ERC1: variants seen among roughly 807,000 people sequenced by gnomAD.
ERC1 encodes the protein ELKS/RAB6-interacting/CAST family member 1.
In ERC1, 56 loss-of-function variants were observed where a neutral mutation model predicts 132.0. That is an observed-to-expected ratio of 0.42 (90% CI 0.34 to 0.53). ERC1 has a LOEUF of 0.53. Ranked by LOEUF, ERC1 falls within the 20% of genes least tolerant of loss-of-function variation. The probability of loss-of-function intolerance (pLI) is 0.03; values close to 1 mark genes in which losing one functional copy is unlikely to be tolerated. For synonymous variants in ERC1, 478 were observed against 476.1 expected, an observed-to-expected ratio of 1.00 and a Z score of -0.05; for missense variants, 1,202 against 1,349.9, an observed-to-expected ratio of 0.89 and a Z score of 1.72.
intron 13 of ERC1, among the ~76,000 whole-genome samples, chr12:1,259,517 T>TTCA (rs1263636067): frequency 7.5e-6 from 1 of 133,714 alleles, no homozygotes; most frequent in Non-Finnish European, 1.5e-5. Flanking sequence ...TCTTTCTTTC[T>TTCA]TTCTTTTTTT....
chr12:1,442,956 G>A (rs1477896801), intron 17 of ERC1, among the ~76,000 whole-genome samples: 1 of 151,990 alleles, frequency 6.6e-6, no homozygotes, highest in Admixed American at 6.5e-5. Flanking sequence ...CGCTCAGGCT[G>A]GAGTGCAGTG....
At chr12:1,018,078 T>G (rs938272914) in intron 1 of ERC1, among the ~76,000 whole-genome samples, 7 of 152,246 alleles carry the variant, frequency 4.6e-5, no homozygotes, top group Non-Finnish European at 8.8e-5. Context: ...TTCTTATTAA[T>G]GCAGGAAGAA....
chr12:1,351,036 C>A (rs553725925), intron 15 of ERC1, among the ~76,000 whole-genome samples: 12 of 152,164 alleles, frequency 7.9e-5, no homozygotes, highest in Non-Finnish European at 1.5e-4. Context: ...AGGATTCATG[C>A]CCCTGTGACC....
chr12:1,284,312 A>C (rs1371598591), intron 14 of ERC1, among the ~76,000 whole-genome samples: 3 of 116,094 alleles, frequency 2.6e-5, no homozygotes, highest in African/African-American at 8.7e-5. Context: ...GTGTGTGTAT[A>C]CATACCACAT....
intron 14 of ERC1, among the ~76,000 whole-genome samples, chr12:1,288,504 T>C (rs995795174): frequency 6.6e-6 from 1 of 152,204 alleles, no homozygotes; most frequent in African/African-American, 2.4e-5. Context: ...GATAAAAAAA[T>C]TCAGGTGCCA....
At chr12:1,277,369 T>G (rs2078345267) in intron 14 of ERC1, among the ~76,000 whole-genome samples, 1 of 152,228 alleles carries the variant, frequency 6.6e-6, no homozygotes, top group Admixed American at 6.5e-5. Context: ...GACTGATGCT[T>G]CTGATCATCA....
At chr12:1,358,353 A>T (rs1234153836) in intron 15 of ERC1, among the ~76,000 whole-genome samples, 2 of 152,110 alleles carry the variant, frequency 1.3e-5, no homozygotes, top group African/African-American at 4.8e-5. Flanking sequence ...TATCATGAGA[A>T]TTTAAGAGTC....
intron 2 of ERC1, among the ~76,000 whole-genome samples, chr12:1,032,107 G>A (rs1451947049): frequency 6.7e-6 from 1 of 149,682 alleles, no homozygotes; most frequent in African/African-American, 2.5e-5. Flanking sequence ...GTGCAGCGAT[G>A]CGATCTTGGC....
At chr12:1,188,553 A>G (rs2154276153) in intron 11 of ERC1, among the ~76,000 whole-genome samples, 1 of 152,326 alleles carries the variant, frequency 6.6e-6, no homozygotes, top group Middle Eastern at 3.4e-3. Flanking sequence ...TTTGTTTCTT[A>G]AAATATACTT....
At chr12:1,222,281 G>A (rs1959062402) in intron 12 of ERC1, among the ~76,000 whole-genome samples, 1 of 150,628 alleles carries the variant, frequency 6.6e-6, no homozygotes, top group Non-Finnish European at 1.5e-5. Context: ...CCAGACTGGA[G>A]AGCAGTGGCG....
chr12:1,335,923 G>GAATT (rs1429480150), intron 15 of ERC1, among the ~76,000 whole-genome samples: 1 of 151,760 alleles, frequency 6.6e-6, no homozygotes, highest in Non-Finnish European at 1.5e-5. Flanking sequence ...GGCTATTTGT[G>GAATT]GCTTCCTCAA....
chr12:1,144,840 T>C (rs1950205160), intron 8 of ERC1, among the ~76,000 whole-genome samples: 1 of 152,010 alleles, frequency 6.6e-6, no homozygotes. Context: ...AAATGGTAGG[T>C]CCACTTTTAG....
chr12:1,154,366 C>T (rs1298151891), intron 8 of ERC1, among the ~76,000 whole-genome samples: 2 of 150,910 alleles, frequency 1.3e-5, no homozygotes, highest in Admixed American at 1.3e-4. Context: ...CACACACACA[C>T]ACACACACAC....
chr12:1,401,156 C>A (rs112655454), intron 16 of ERC1, among the ~76,000 whole-genome samples: 48 of 151,640 alleles, frequency 3.2e-4, no homozygotes, highest in Admixed American at 5.3e-4. Context: ...GGATGGTCTC[C>A]ATCTCCTGAC....
chr12:1,471,208 T>C (rs961288202), intron 18 of ERC1, among the ~76,000 whole-genome samples: 1 of 152,184 alleles, frequency 6.6e-6, no homozygotes, highest in African/African-American at 2.4e-5. Context: ...GAGGATCGTT[T>C]AAGGCCAAGA....
intron 15 of ERC1, among the ~76,000 whole-genome samples, chr12:1,368,765 C>CT (rs1464589061): frequency 1.3e-5 from 2 of 152,144 alleles, no homozygotes; most frequent in East Asian, 3.8e-4. Flanking sequence ...GTCTTTGTCC[C>CT]TTTTGGAAAA....
intron 12 of ERC1, among the ~76,000 whole-genome samples, chr12:1,212,859 C>A (rs74662538): frequency 0.012 from 1,808 of 152,288 alleles, 13 homozygotes; most frequent in Non-Finnish European, 0.019. Flanking sequence ...GGGACCCCTT[C>A]CTACCTGGCT....
intron 13 of ERC1, among the ~76,000 whole-genome samples, chr12:1,260,164 T>C (rs1178697537): frequency 1.3e-5 from 2 of 152,206 alleles, no homozygotes; most frequent in South Asian, 4.1e-4. Flanking sequence ...GGATTTTGCA[T>C]TCAACTCCCA....
intron 4 of ERC1, among the ~76,000 whole-genome samples, chr12:1,107,566 A>G (rs1945397053): frequency 6.6e-6 from 1 of 152,194 alleles, no homozygotes; most frequent in South Asian, 2.1e-4. Flanking sequence ...GATCACCCAA[A>G]TGGACTGGAG....
Sources: allele counts gnomAD v4.1 joint callset (sites outside exome capture counted in the v4.1 genomes callset), GRCh38; gene constraint gnomAD v4.1.1; transcripts MANE v1.5; gene names NCBI Gene and HGNC (gene_info 2026-07-23, HGNC 2026-07-21).